Variants in WDR64 observed in about 807,000 individuals in gnomAD.
WDR64 encodes WD repeat-containing protein 64.
A neutral mutation model predicts 139.3 loss-of-function variants in WDR64; 112 were observed. That is an observed-to-expected ratio of 0.80 (90% CI 0.69 to 0.94). WDR64 has a LOEUF of 0.94. WDR64 is among the 40% of genes least tolerant of loss of function. The pLI, the probability that WDR64 is intolerant of heterozygous loss-of-function variation, is 0.00. For missense variants in WDR64, 1,206 were observed against 1,293.1 expected, an observed-to-expected ratio of 0.93 and a Z score of 1.03; for synonymous variants, 444 against 437.7, an observed-to-expected ratio of 1.01 and a Z score of -0.18.
At chr1:241,751,006 TTTA>T (rs1459974653) in intron 14 of WDR64, among the ~76,000 whole-genome samples, 16 of 152,274 alleles carry the variant, frequency 1.1e-4, no homozygotes, top group East Asian at 9.6e-4. Flanking sequence ...TATTATTTAC[TTTA>T]TTATTATATC....
In WDR64 at chr1:241,652,470, A is replaced by G. The variant is rs1247140253; in HGVS notation, c.-15A>G. The G allele has an allele frequency of 1.3e-6, 2 of 1,548,290 alleles. No individual in the cohort carries two copies. Among genetic ancestry groups the G allele is most frequent in the Admixed American group, 2.0e-5 (1 of 49,982 alleles). On this transcript the variant is annotated 5_prime_UTR_variant, in exon 1 of 28. Coordinates refer to ENST00000437684, the MANE Select transcript of WDR64 (RefSeq NM_001367482.1). Reference sequence around the variant, plus strand: ...TATTCTTTCTGTACAGAAGTAAAAGATCCCCTATGTCCCTATGGATATCAG... The same window carrying G: ...TATTCTTTCTGTACAGAAGTAAAAGGTCCCCTATGTCCCTATGGATATCAG...
In WDR64 at chr1:241,775,219, T is replaced by C. The variant is rs943529857; in HGVS notation, c.2536+9T>C. 3 of 1,546,554 alleles carry C rather than the reference T, an allele frequency of 1.9e-6. No homozygotes were observed. The highest frequency in any genetic ancestry group is 2.7e-5 in the African/African-American group (2 of 72,964). On this transcript the variant is annotated intron_variant, in intron 21 of 27. Coordinates refer to ENST00000437684, the MANE Select transcript of WDR64 (RefSeq NM_001367482.1). Reference sequence around the variant, plus strand: ...ACTGGCTGGAAATGTGGGTGAGTCATTACTCTTAGACATTCAGTGACAGGT... The same window carrying C: ...ACTGGCTGGAAATGTGGGTGAGTCACTACTCTTAGACATTCAGTGACAGGT...
chr1:241,678,252 G>A (rs898305587), intron 5 of WDR64, 36 bp downstream of exon 5: 1 of 398,766 alleles, frequency 2.5e-6, no homozygotes, highest in Non-Finnish European at 4.4e-6. Flanking sequence ...TTAAGTCAAA[G>A]TTAGGGCTAT....
At chr1:241,738,986 G>A (rs565631654) in intron 11 of WDR64, among the ~76,000 whole-genome samples, 16 of 152,290 alleles carry the variant, frequency 1.1e-4, no homozygotes, top group Non-Finnish European at 1.5e-4. Context: ...CTGCACCAGC[G>A]TACCGAGTCA....
intron 15 of WDR64, 106 bp downstream of exon 15, chr1:241,757,565 T>C (rs2148277261): frequency 2.0e-5 from 21 of 1,065,888 alleles, no homozygotes; most frequent in Non-Finnish European, 2.6e-5. Flanking sequence ...CTATGTGTTA[T>C]CACTCAGCTT....
intron 8 of WDR64, among the ~76,000 whole-genome samples, chr1:241,688,542 T>C (rs574390733): frequency 1.3e-5 from 2 of 152,218 alleles, no homozygotes; most frequent in African/African-American, 4.8e-5. Flanking sequence ...AGCTTGGAAG[T>C]TGCCATTCCA....
At chr1:241,781,949 G>C (rs541586322) in intron 22 of WDR64, among the ~76,000 whole-genome samples, 1 of 152,342 alleles carries the variant, frequency 6.6e-6, no homozygotes, top group South Asian at 2.1e-4. Flanking sequence ...CTAAGGCAGA[G>C]AAAGAAACCT....
chr1:241,782,791 A>G (rs891158547), intron 22 of WDR64, among the ~76,000 whole-genome samples: 30 of 152,098 alleles, frequency 2.0e-4, no homozygotes, highest in Admixed American at 9.2e-4. Context: ...CTCCCACCCC[A>G]TACTCCCCCC....
At chr1:241,721,536 CA>C (rs1374128836) in intron 9 of WDR64, among the ~76,000 whole-genome samples, 2 of 151,920 alleles carry the variant, frequency 1.3e-5, no homozygotes, top group East Asian at 3.9e-4. Context: ...CTCAGATGTA[CA>C]AATCACATTT....
intron 27 of WDR64, among the ~76,000 whole-genome samples, chr1:241,797,597 G>T (rs1037635654): frequency 2.6e-5 from 4 of 152,086 alleles, no homozygotes; most frequent in Non-Finnish European, 4.4e-5. Flanking sequence ...TGAAAACTTT[G>T]CCATAATAAT....
At chr1:241,779,789 C>T (rs1658783350) in intron 21 of WDR64, among the ~76,000 whole-genome samples, 1 of 152,104 alleles carries the variant, frequency 6.6e-6, no homozygotes, top group Non-Finnish European at 1.5e-5. Context: ...GAGATCATGC[C>T]TTTGCACTCC....
intron 8 of WDR64, among the ~76,000 whole-genome samples, chr1:241,694,298 A>G (rs1458351918): frequency 6.6e-6 from 1 of 152,162 alleles, no homozygotes; most frequent in East Asian, 1.9e-4. Context: ...TTCATGAAAG[A>G]TACTTTTTTT....
Position 241,723,298 on chromosome 1 carries a change from AGAT to A in WDR64, c.1060_1062del (p.Asp354del). The A allele has an allele frequency of 6.2e-7, 1 of 1,613,550 alleles. No homozygotes were observed. Among genetic ancestry groups the A allele is most frequent in the Non-Finnish European group, 8.5e-7 (1 of 1,179,770 alleles). ...ATCTTTCCCTGTCCTCCTTTTCAGG[AGAT>A]GATAAGGTCATCCGGTTGTGGCACC... On this transcript the variant is annotated inframe_deletion and splice_region_variant, in exon 10 of 28. Transcript: ENST00000437684.
chr1:241,678,109 G>A (rs1460819603), intron 4 of WDR64, 78 bp from the exon 5 acceptor site: 2 of 398,388 alleles, frequency 5.0e-6, no homozygotes, highest in African/African-American at 2.1e-5. Flanking sequence ...AGAAGATACT[G>A]TGTTGTTTTA....
At chr1:241,668,238 G>A (rs952093801) in intron 2 of WDR64, among the ~76,000 whole-genome samples, 3 of 152,170 alleles carry the variant, frequency 2.0e-5, no homozygotes, top group Non-Finnish European at 2.9e-5. Context: ...AGCTGGGCGC[G>A]GCAGCTCACG....
chr1:241,791,052 C>T (rs1659201253), intron 25 of WDR64, among the ~76,000 whole-genome samples: 1 of 151,950 alleles, frequency 6.6e-6, no homozygotes, highest in African/African-American at 2.4e-5. Flanking sequence ...TTTGGGAGGC[C>T]GAGGTGTGTG....
chr1:241,742,230 C>T (rs374558234), intron 12 of WDR64, among the ~76,000 whole-genome samples: 9 of 148,496 alleles, frequency 6.1e-5, no homozygotes, highest in African/African-American at 2.3e-4. Flanking sequence ...GATGTAAGCA[C>T]CCATGCCCTT....
chr1:241,710,372 G>C (rs1246619713), intron 8 of WDR64, among the ~76,000 whole-genome samples: 1 of 152,156 alleles, frequency 6.6e-6, no homozygotes, highest in Non-Finnish European at 1.5e-5. Context: ...AGCCAGGATG[G>C]AAGCCCACAC....
intron 22 of WDR64, among the ~76,000 whole-genome samples, chr1:241,782,416 T>C (rs937262146): frequency 5.3e-5 from 8 of 152,282 alleles, no homozygotes; most frequent in South Asian, 4.1e-4. Flanking sequence ...CCTAAATAAA[T>C]AGAAGACTCG....
Sources: gnomAD v4.1 joint callset for allele counts (sites outside exome capture counted in the v4.1 genomes callset) on GRCh38, gnomAD v4.1.1 for gene constraint, MANE v1.5 for transcripts, NCBI Gene and HGNC (gene_info 2026-07-23, HGNC 2026-07-21) for gene names.